The following FHOD3 variants were observed in gnomAD, a reference collection of about 807,000 sequenced individuals.
FHOD3 encodes the protein formin homology 2 domain containing 3, also known as FH1/FH2 domain-containing protein 3.
FHOD3 carries 90 observed loss-of-function variants against 173.0 expected under a neutral mutation model. The ratio of observed to expected loss-of-function variants is 0.52; its 90% CI spans 0.44 to 0.62. The LOEUF is 0.62. Among genes scored for constraint, FHOD3 ranks in the 20% least tolerant of loss-of-function variants. The pLI, the probability that FHOD3 is intolerant of heterozygous loss-of-function variation, is 0.00. For synonymous variants in FHOD3, 828 were observed against 823.0 expected, an observed-to-expected ratio of 1.01 and a Z score of -0.10; for missense variants, 1,945 against 2,034.7, an observed-to-expected ratio of 0.96 and a Z score of 0.85.
At chr18:36,730,284 T>C (rs1269269862) in intron 19 of FHOD3, among the ~76,000 whole-genome samples, 1 of 152,216 alleles carries the variant, frequency 6.6e-6, no homozygotes, top group Non-Finnish European at 1.5e-5. Flanking sequence ...AACCAAGACA[T>C]TCGGACACCT....
intron 21 of FHOD3, among the ~76,000 whole-genome samples, chr18:36,741,737 C>G (rs1474392571): frequency 6.6e-6 from 1 of 151,626 alleles, no homozygotes; most frequent in Non-Finnish European, 1.5e-5. Context: ...CCTTACTGTA[C>G]TCTAGCCTGG....
At chr18:36,361,792 C>T (rs1297993925) in intron 2 of FHOD3, among the ~76,000 whole-genome samples, 1 of 152,088 alleles carries the variant, frequency 6.6e-6, no homozygotes, top group Non-Finnish European at 1.5e-5. Flanking sequence ...ATTGCCACCC[C>T]CTGAAGAACT....
intron 20 of FHOD3, among the ~76,000 whole-genome samples, chr18:36,736,628 C>T (rs1027184238): frequency 6.6e-5 from 10 of 152,180 alleles, no homozygotes; most frequent in African/African-American, 2.2e-4. Context: ...CAAGCTGCCT[C>T]TCTCTGACAT....
chr18:36,598,675 C>T lies in FHOD3; in HGVS notation c.718+3777C>T, dbSNP rs117194258. On this transcript the variant is annotated intron_variant, in intron 7 of 28. Transcript: ENST00000590592. ...ACGCCATTCTTCTGCCTCAGCCTCC[C>T]GAGTAGTTGCACTACAGGCACCCGC... 0.013 allele frequency among the ~76,000 whole-genome samples: 1,935 copies of T among 152,156 alleles called. 86 individuals are homozygous for T. In the East Asian group the frequency reaches 0.16, roughly 13 times the overall value.
intron 11 of FHOD3, among the ~76,000 whole-genome samples, chr18:36,650,434 C>G (rs151004265): frequency 1.4e-4 from 22 of 152,212 alleles, no homozygotes; most frequent in African/African-American, 4.8e-4. Context: ...ATTGCTTGCC[C>G]CTATTTGGAA....
intron 24 of FHOD3, among the ~76,000 whole-genome samples, chr18:36,750,144 C>T (rs1410265939): frequency 6.6e-6 from 1 of 152,090 alleles, no homozygotes; most frequent in Non-Finnish European, 1.5e-5. Flanking sequence ...AAAAAATTAG[C>T]TGAGCATGGT....
At chr18:36,458,553 C>G (rs1037338273) in intron 3 of FHOD3, among the ~76,000 whole-genome samples, 5 of 151,912 alleles carry the variant, frequency 3.3e-5, no homozygotes, top group African/African-American at 1.2e-4. Flanking sequence ...CAGCTGGGGC[C>G]TCTTCTCTGC....
chr18:36,452,828 G>C (rs1422106842), intron 3 of FHOD3, among the ~76,000 whole-genome samples: 1 of 151,864 alleles, frequency 6.6e-6, no homozygotes, highest in Non-Finnish European at 1.5e-5. Flanking sequence ...GTATATATAT[G>C]TGTGTGTATG....
chr18:36,581,671 C>T lies in FHOD3; in HGVS notation c.606+5126C>T, dbSNP rs141249914. Among the ~76,000 whole-genome samples the T allele has an allele frequency of 4.6e-5, 7 of 152,322 alleles. No individual in the cohort carries two copies. The East Asian group carries it at 5.8e-4, about 13-fold the overall frequency. ...AGCCCTGGCCAAGGCCCTCCTTGCA[C>T]GCACGTACACACACATACATACATG... On this transcript the variant is annotated intron_variant, in intron 6 of 28. Coordinates refer to ENST00000590592, the MANE Select transcript of FHOD3 (RefSeq NM_001281740.3).
chr18:36,414,555 C>T (rs781314078), intron 3 of FHOD3, among the ~76,000 whole-genome samples: 15 of 152,226 alleles, frequency 9.9e-5, no homozygotes, highest in Non-Finnish European at 1.9e-4. Context: ...TCCAGCCACC[C>T]AGCCACTTGT....
At chr18:36,314,485 G>A (rs555495652) in intron 1 of FHOD3, among the ~76,000 whole-genome samples, 6 of 152,312 alleles carry the variant, frequency 3.9e-5, no homozygotes, top group African/African-American at 1.4e-4. Flanking sequence ...GAATGCAGCC[G>A]AGTACATGTG....
In FHOD3 at chr18:36,297,925, G is replaced by T. The variant is rs1194369527; in HGVS notation, c.90G>T (p.Leu30=). 6.4e-7 allele frequency: 1 copy of T among 1,564,352 alleles called. No homozygotes were observed. Among genetic ancestry groups the T allele is most frequent in the Admixed American group, 1.9e-5 (1 of 53,650 alleles). Residue 30 remains leucine (L), a synonymous_variant, in exon 1 of 29, where the codon CTG becomes CTT. Transcript: ENST00000590592. ...TNFPEPSRPP[L]FTFREDLALG... is the part of the protein sequence containing the mutation. ...TCCCCGAGCCCAGCCGGCCGCCGCT[G>T]TTCACGTTCCGCGAGGACCTCGCGC...
chr18:36,709,002 C>T, intron 17 of FHOD3, 93 bp from the exon 18 acceptor site: 2 of 1,472,528 alleles, frequency 1.4e-6, no homozygotes, highest in East Asian at 2.3e-5. Flanking sequence ...CATCTGTCCA[C>T]CACAGAGAAA....
chr18:36,443,892 G>C (rs1313653587), intron 3 of FHOD3, among the ~76,000 whole-genome samples: 1 of 152,046 alleles, frequency 6.6e-6, no homozygotes. Flanking sequence ...GCTTCCATTA[G>C]CCACAATGTT....
At chr18:36,341,179 G>A (rs1251835788) in intron 1 of FHOD3, among the ~76,000 whole-genome samples, 1 of 152,152 alleles carries the variant, frequency 6.6e-6, no homozygotes, top group East Asian at 1.9e-4. Flanking sequence ...AATAATAATA[G>A]TGCCATCCTC....
intron 3 of FHOD3, among the ~76,000 whole-genome samples, chr18:36,436,107 C>T (rs952392078): frequency 2.6e-5 from 4 of 152,106 alleles, no homozygotes; most frequent in African/African-American, 9.7e-5. Flanking sequence ...TAAAAATTAT[C>T]CTTCCTTTTA....
chr18:36,644,111 A>C (rs1045631074), intron 10 of FHOD3, among the ~76,000 whole-genome samples: 12 of 152,152 alleles, frequency 7.9e-5, no homozygotes, highest in Admixed American at 5.9e-4. Context: ...CGGTGACCTC[A>C]AATCTGGGAC....
intron 3 of FHOD3, among the ~76,000 whole-genome samples, chr18:36,462,817 G>T (rs1307175679): frequency 6.6e-6 from 1 of 152,092 alleles, no homozygotes; most frequent in Non-Finnish European, 1.5e-5. Context: ...CATAGAGATG[G>T]GATCTACCTA....
At chr18:36,353,987 T>C (rs1345167177) in intron 1 of FHOD3, among the ~76,000 whole-genome samples, 1 of 149,856 alleles carries the variant, frequency 6.7e-6, no homozygotes, top group Non-Finnish European at 1.5e-5. Flanking sequence ...TGGACAGTTG[T>C]GCAGAGGTGT....
Sources: gnomAD v4.1 joint callset for allele counts (sites outside exome capture counted in the v4.1 genomes callset) on GRCh38, gnomAD v4.1.1 for gene constraint, MANE v1.5 for transcripts, NCBI Gene and HGNC (gene_info 2026-07-23, HGNC 2026-07-21) for gene names.